GRIA3: variants seen among roughly 807,000 people sequenced by gnomAD.
The protein encoded by GRIA3 is glutamate ionotropic receptor AMPA type subunit 3.
GRIA3 carries 3 observed loss-of-function variants against 63.0 expected under a neutral mutation model. The observed-to-expected ratio is 0.05, with a 90% confidence interval of 0.02 to 0.12. The LOEUF (loss-of-function observed/expected upper bound fraction) is 0.12. GRIA3 is among the 10% of genes least tolerant of loss of function. The probability of loss-of-function intolerance (pLI) is 1.00; values close to 1 mark genes in which losing one functional copy is unlikely to be tolerated. For synonymous variants in GRIA3, 274 were observed against 257.9 expected, an observed-to-expected ratio of 1.06 and a Z score of -0.60; for missense variants, 347 against 700.9, an observed-to-expected ratio of 0.50 and a Z score of 5.70.
In GRIA3 at chrX:123,488,782, C is replaced by T. The variant is rs1418597861; in HGVS notation, c.*72C>T. 1 of 111,269 alleles carries T rather than the reference C, an allele frequency of 9.0e-6. No individual in the cohort carries two copies. Among genetic ancestry groups the T allele is most frequent in the African/African-American group, 3.3e-5 (1 of 30,464 alleles). 9.2% of individuals were successfully genotyped at this position (111,269 alleles called of 1,213,427 possible). A position where few individuals can be genotyped will look rare whatever the true frequency, so the allele number is the denominator to read the frequency against. ...ACGTGGCTGCTTCAAGGATCCTGAGCCAGATTTCACTCTCCTTGGTGTCGG... is the reference window on the plus strand; with the variant it reads ...ACGTGGCTGCTTCAAGGATCCTGAGTCAGATTTCACTCTCCTTGGTGTCGG... On this transcript the variant is annotated 3_prime_UTR_variant, in exon 16 of 16. Coordinates refer to ENST00000620443, the MANE Select transcript of GRIA3 (RefSeq NM_007325.5).
chrX:123,438,985 G>T (rs546073218), intron 12 of GRIA3, among the ~76,000 whole-genome samples: 42 of 112,148 alleles, frequency 3.7e-4, no homozygotes, highest in South Asian at 1.1e-3. Flanking sequence ...ATATCACAAA[G>T]TTTCATCTTG....
Position 123,358,156 on chromosome X carries a change from TAAG to T in GRIA3, c.750+3198_750+3200del, listed in dbSNP as rs767267498. Among the ~76,000 whole-genome samples, 65 of 111,159 alleles carry T rather than the reference TAAG, an allele frequency of 5.8e-4. 1 individual carries two copies. Among genetic ancestry groups the T allele is most frequent in the Middle Eastern group, 4.6e-3 (1 of 216 alleles). ...TGGTCAAGAAAAGGGGAAGTGGAGATAAGAAGATGTTTCCTTTCAAGATGAGCC... is the reference window on the plus strand; with the variant it reads ...TGGTCAAGAAAAGGGGAAGTGGAGATAAGATGTTTCCTTTCAAGATGAGCC... On this transcript the variant is annotated intron_variant, in intron 5 of 15. Transcript: ENST00000620443.
chrX:123,325,565 G>T (rs1003659771), intron 3 of GRIA3, among the ~76,000 whole-genome samples: 6 of 111,625 alleles, frequency 5.4e-5, no homozygotes, highest in Non-Finnish European at 1.1e-4. Context: ...AATTTACCTT[G>T]TTGGATAGTC....
chrX:123,248,810 A>G (rs975495258), intron 2 of GRIA3, among the ~76,000 whole-genome samples: 17 of 111,533 alleles, frequency 1.5e-4, no homozygotes, highest in Admixed American at 2.8e-4. Context: ...AAGAAAGAAA[A>G]AAAGAGAAAT....
intron 3 of GRIA3, among the ~76,000 whole-genome samples, chrX:123,306,404 G>A (rs949582771): frequency 1.2e-4 from 13 of 111,904 alleles, no homozygotes; most frequent in African/African-American, 3.9e-4. Context: ...TACCTACTAT[G>A]TGCCAAGTAC....
chrX:123,292,423 A>G lies in GRIA3; in HGVS notation c.509-33603A>G, dbSNP rs947727804. On this transcript the variant is annotated intron_variant, in intron 3 of 15. Coordinates refer to ENST00000620443, the MANE Select transcript of GRIA3 (RefSeq NM_007325.5). Reference sequence around the variant, plus strand: ...CACCTTTATTTCCACACAGTCTCCAATCTCATCCTACTTGCTGACTAGTCG... The same window carrying G: ...CACCTTTATTTCCACACAGTCTCCAGTCTCATCCTACTTGCTGACTAGTCG... Among the ~76,000 whole-genome samples the G allele has an allele frequency of 5.4e-5, 6 of 110,711 alleles. No homozygotes were observed. In the East Asian group the frequency reaches 1.7e-3, roughly 32 times the overall value.
chrX:123,485,432 C>T (rs1205096563), intron 15 of GRIA3, among the ~76,000 whole-genome samples: 5 of 111,648 alleles, frequency 4.5e-5, no homozygotes. Flanking sequence ...GGGACTAGAA[C>T]CCAGCCCTTC....
chrX:123,301,734 A>G (rs1474227564), intron 3 of GRIA3, among the ~76,000 whole-genome samples: 1 of 111,691 alleles, frequency 9.0e-6, no homozygotes, highest in Non-Finnish European at 1.9e-5. Context: ...TCAACTCTTT[A>G]TTACATAATT....
At chrX:123,311,547 G>A (rs991579582) in intron 3 of GRIA3, among the ~76,000 whole-genome samples, 1 of 112,419 alleles carries the variant, frequency 8.9e-6, no homozygotes, top group Non-Finnish European at 1.9e-5. Context: ...AAGAAAGTCA[G>A]AAGAAACCGC....
At chrX:123,473,181 T>C (rs1435567628) in intron 13 of GRIA3, among the ~76,000 whole-genome samples, 1 of 112,164 alleles carries the variant, frequency 8.9e-6, no homozygotes, top group Non-Finnish European at 1.9e-5. Context: ...CTCATTTTCC[T>C]GGAATCCTAC....
chrX:123,426,567 G>A (rs2045590825), intron 11 of GRIA3, among the ~76,000 whole-genome samples: 2 of 111,882 alleles, frequency 1.8e-5, no homozygotes, highest in South Asian at 3.7e-4. Flanking sequence ...TGATATGCAG[G>A]CAGAACTGAG....
rs1556317771 is a variant in GRIA3, at chrX:123,417,381, C to CT, written c.1501-13dup. ...TGTCTCTAAAAGTCATATATGTTTT[C>CT]TTTTTTTTCTTTTTTTTCAGAGAGC... On this transcript the variant is annotated intron_variant, in intron 10 of 15. Transcript: ENST00000620443. 2.4e-4 allele frequency: 281 copies of CT among 1,167,132 alleles called. No homozygotes were observed. The highest frequency in any genetic ancestry group is 1.1e-3 in the African/African-American group (64 of 56,011).
chrX:123,457,061 A>G (rs941822012), intron 12 of GRIA3, among the ~76,000 whole-genome samples: 2 of 112,194 alleles, frequency 1.8e-5, no homozygotes, highest in Non-Finnish European at 3.8e-5. Flanking sequence ...GTAGTCCACA[A>G]TAAACTTAGA....
At chrX:123,425,021 T>C (rs1460637594) in intron 11 of GRIA3, among the ~76,000 whole-genome samples, 2 of 112,024 alleles carry the variant, frequency 1.8e-5, no homozygotes, top group African/African-American at 6.5e-5. Context: ...CTCCTTGGTC[T>C]GGCAAAACCT....
chrX:123,304,704 C>T (rs992769233), intron 3 of GRIA3, among the ~76,000 whole-genome samples: 1 of 111,766 alleles, frequency 8.9e-6, no homozygotes, highest in Non-Finnish European at 1.9e-5. Context: ...AAAAGTCCAT[C>T]TGACAAGTAT....
chrX:123,288,329 G>A lies in GRIA3; in HGVS notation c.508+34787G>A, dbSNP rs1161046397. Among the ~76,000 whole-genome samples, 8 of 112,186 alleles carry A rather than the reference G, an allele frequency of 7.1e-5. No individual in the cohort carries two copies. In the Admixed American group the frequency reaches 7.5e-4, roughly 11 times the overall value. On this transcript the variant is annotated intron_variant, in intron 3 of 15. Transcript: ENST00000620443. ...ATCAAAACCCTAGAAGAAAACCTAG[G>A]CAATACCATTCAGGACATAGGCATG... is the stretch of plus-strand genomic sequence containing the variant.
At chrX:123,476,992 CA>C (rs1429036287) in intron 13 of GRIA3, among the ~76,000 whole-genome samples, 1 of 111,775 alleles carries the variant, frequency 8.9e-6, no homozygotes, top group Non-Finnish European at 1.9e-5. Context: ...GAGTGAAAAG[CA>C]GTTACTAGCC....
intron 4 of GRIA3, among the ~76,000 whole-genome samples, chrX:123,341,971 T>TG (rs201602297): frequency 7.1e-4 from 77 of 108,170 alleles, no homozygotes; most frequent in Non-Finnish European, 1.2e-3. Context: ...GGACTAAGAG[T>TG]GGGTTTTTTT....
In GRIA3 at chrX:123,184,543, G is replaced by A. The variant is rs757132316; in HGVS notation, c.8G>A (p.Arg3Lys). 1 of 1,207,071 alleles carries A rather than the reference G, an allele frequency of 8.3e-7. No homozygotes were observed. The highest frequency in any genetic ancestry group is 1.8e-5 in the South Asian group (1 of 56,840). The change falls in exon 1 of 16, where the codon AGG (arginine) becomes AAG (lysine). Residue 3 changes from arginine to lysine, a missense_variant. By Grantham distance (26) the Arg-to-Lys change is conservative (BLOSUM62 2). Around this residue, in one of 8 missense-constraint regions of GRIA3, gnomAD observed 36 missense variants for 28.2 expected, o/e 1.28. Coordinates refer to ENST00000620443, the MANE Select transcript of GRIA3 (RefSeq NM_007325.5). MA[R>K]QKKMGQSVLR... The stretch of plus-strand genomic sequence containing the variant: ...CTTCGTTTTAGGCGTAGCATGGCCA[G>A]GCAGAAGAAAATGGGGCAAAGCGTG...
Sources: allele counts gnomAD v4.1 joint callset (sites outside exome capture counted in the v4.1 genomes callset), GRCh38; gene constraint gnomAD v4.1.1; regional missense constraint gnomAD v4.1.1; transcripts MANE v1.5; gene names NCBI Gene and HGNC (gene_info 2026-07-23, HGNC 2026-07-21).